The following PWWP2B variants were observed in gnomAD, a reference collection of about 807,000 sequenced individuals.
The protein encoded by PWWP2B is PWWP domain-containing protein 2B.
Under a neutral mutation model 15.5 loss-of-function variants are expected in PWWP2B, and 9 were observed. That is an observed-to-expected ratio of 0.58 (90% CI 0.35 to 1.02). The LOEUF is 1.02. Among genes scored for constraint, PWWP2B ranks in the 50% least tolerant of loss-of-function variants. The probability of loss-of-function intolerance (pLI) is 0.02; values close to 1 mark genes in which losing one functional copy is unlikely to be tolerated. For synonymous variants in PWWP2B, 474 were observed against 403.6 expected (o/e 1.17, Z -2.09); for missense variants, 864 against 865.3 (o/e 1.00, Z 0.02).
chr10:132,416,933 G>A (rs2069865883), intron 2 of PWWP2B, 128 bp from the exon 3 acceptor site: 1 of 907,412 alleles, frequency 1.1e-6, no homozygotes, highest in African/African-American at 1.6e-5. Flanking sequence ...GGAGCTGGGG[G>A]GCGGTGGAGG....
At chr10:132,402,951 T>C (rs527660712) in intron 1 of PWWP2B, among the ~76,000 whole-genome samples, 7 of 152,310 alleles carry the variant, frequency 4.6e-5, no homozygotes, top group East Asian at 3.9e-4. Flanking sequence ...TGCTCCTCGG[T>C]CCTGGCGCCA....
intron 2 of PWWP2B, among the ~76,000 whole-genome samples, chr10:132,406,913 G>T (rs544034077): frequency 6.6e-6 from 1 of 152,284 alleles, no homozygotes; most frequent in East Asian, 1.9e-4. Flanking sequence ...TGTGTGCGTG[G>T]CCAGGCGCCC....
chr10:132,413,024 G>A (rs749124490), intron 2 of PWWP2B, among the ~76,000 whole-genome samples: 2 of 152,216 alleles, frequency 1.3e-5, no homozygotes, highest in African/African-American at 2.4e-5. Flanking sequence ...GCCGTGCCAC[G>A]TCATCTGGGC....
chr10:132,407,857 A>AGG (rs2069720787), intron 2 of PWWP2B, among the ~76,000 whole-genome samples: 1 of 152,084 alleles, frequency 6.6e-6, no homozygotes, highest in African/African-American at 2.4e-5. Context: ...GAGGGGTAGG[A>AGG]GGAGGGTCAG....
rs778233848 is a variant in PWWP2B at position 132,405,210 on chromosome 10, G to A, written c.710G>A (p.Arg237His). ...ATARRSKRER[R>H]EEDRAPAEQV... ...GCCAGGAGGAGCAAGAGGGAGAGGC[G>A]CGAGGAGGACAGGGCCCCGGCAGAG... Residue 237 changes from arginine (R) to histidine (H), a missense_variant, in exon 2 of 3, where the codon CGC becomes CAC. Around this residue, in one of 2 missense-constraint regions of PWWP2B, gnomAD observed 736 missense variants for 687.7 expected, o/e 1.07. Transcript: ENST00000305233. 30 of 1,588,868 alleles carry A rather than the reference G, an allele frequency of 1.9e-5. 1 individual carries two copies. Among genetic ancestry groups the A allele is most frequent in the Non-Finnish European group, 2.6e-6 (3 of 1,169,106 alleles).
intron 2 of PWWP2B, among the ~76,000 whole-genome samples, chr10:132,412,544 G>A (rs1043387839): frequency 1.3e-5 from 2 of 152,212 alleles, no homozygotes; most frequent in African/African-American, 4.8e-5. Flanking sequence ...TTGTGGGCTT[G>A]GGGTTGTTGG....
chr10:132,410,122 C>A (rs1265006124), intron 2 of PWWP2B, among the ~76,000 whole-genome samples: 2 of 151,218 alleles, frequency 1.3e-5, no homozygotes, highest in African/African-American at 4.9e-5. Flanking sequence ...GCAGTGACCT[C>A]CAGCTGTGAG....
intron 2 of PWWP2B, among the ~76,000 whole-genome samples, chr10:132,415,699 TCTCACACACATCCACTCACA>T (rs1564878930): frequency 3.3e-5 from 4 of 119,490 alleles, no homozygotes; most frequent in African/African-American, 7.5e-5. Flanking sequence ...ACACATGCAC[TCTCACACACATCCACTCACA>T]CACACATCCA....
At chr10:132,402,844 G>A (rs1023855755) in intron 1 of PWWP2B, among the ~76,000 whole-genome samples, 6 of 152,244 alleles carry the variant, frequency 3.9e-5, no homozygotes, top group Non-Finnish European at 7.3e-5. Flanking sequence ...AGCGTATAAA[G>A]GAACCTGGGG....
chr10:132,415,620 A>C (rs200011415), intron 2 of PWWP2B, among the ~76,000 whole-genome samples: 15 of 109,470 alleles, frequency 1.4e-4, no homozygotes, highest in East Asian at 1.1e-3. Flanking sequence ...CACACATCCA[A>C]TCACACATCC....
In PWWP2B at chr10:132,403,294, G is replaced by A. The variant is rs373398880; in HGVS notation, c.126-1332G>A. Among the ~76,000 whole-genome samples the A allele has an allele frequency of 1.1e-4, 16 of 152,084 alleles. No individual in the cohort carries two copies. In the South Asian group the frequency reaches 2.3e-3, roughly 22 times the overall value. On this transcript the variant is annotated intron_variant, in intron 1 of 2. Transcript: ENST00000305233. ...ACTGCTGTGCCCTCCCCGGCGAGTC[G>A]CAATGCTGTGTTGCTTTTCTGTCTC...
chr10:132,417,310 G>A lies in PWWP2B; in HGVS notation c.*266G>A, dbSNP rs1476579356. 11 of 538,346 alleles carry A rather than the reference G, an allele frequency of 2.0e-5. No individual in the cohort carries two copies. The highest frequency in any genetic ancestry group is 6.4e-5 in the East Asian group (2 of 31,034). 33.3% of individuals were successfully genotyped at this position (538,346 alleles called of 1,614,324 possible). On this transcript the variant is annotated 3_prime_UTR_variant, in exon 3 of 3. Transcript: ENST00000305233. Reference sequence around the variant, plus strand: ...CTGGCTCACGAGGCAGTCGGGACTCGTGACTTGCTGGCTGCTGGCTGCTGC... The same window carrying A: ...CTGGCTCACGAGGCAGTCGGGACTCATGACTTGCTGGCTGCTGGCTGCTGC...
chr10:132,404,002 TTCTCCAGGGCTCCTGC>T (rs2069646332), intron 1 of PWWP2B, among the ~76,000 whole-genome samples: 1 of 29,486 alleles, frequency 3.4e-5, no homozygotes, highest in Non-Finnish European at 8.6e-5. Flanking sequence ...TAGGACGGCA[TTCTCCAGGGCTCCTGC>T]AGGACGGCAT....
intron 2 of PWWP2B, among the ~76,000 whole-genome samples, chr10:132,416,794 G>A (rs979500728): frequency 3.9e-5 from 6 of 152,032 alleles, no homozygotes; most frequent in African/African-American, 1.2e-4. Context: ...TGGCTTCTCC[G>A]TGGCCCTGCG....
At chr10:132,399,540 G>C (rs2069587377) in intron 1 of PWWP2B, among the ~76,000 whole-genome samples, 1 of 152,284 alleles carries the variant, frequency 6.6e-6, no homozygotes, top group Non-Finnish European at 1.5e-5. Context: ...GGGTGGAATT[G>C]CCTGGCTTGT....
In PWWP2B at chr10:132,398,674, T is replaced by C. The variant is rs549284144; in HGVS notation, c.125+1323T>C. Among the ~76,000 whole-genome samples, 5 of 151,448 alleles carry C rather than the reference T, an allele frequency of 3.3e-5. No homozygotes were observed. The South Asian group carries it at 1.1e-3, about 32-fold the overall frequency. ...CCCTGAGGCCCATGGCTAACCTGGT[T>C]TGCAAATCTACACCACCGCCTCCCC... On this transcript the variant is annotated intron_variant, in intron 1 of 2. Transcript: ENST00000305233.
intron 2 of PWWP2B, among the ~76,000 whole-genome samples, chr10:132,416,447 C>T (rs550875057): frequency 5.9e-5 from 9 of 152,304 alleles, no homozygotes; most frequent in Admixed American, 3.3e-4. Context: ...ATCGTCTGTC[C>T]CCGCCAGGTC....
At chr10:132,400,021 A>G (rs2069594591) in intron 1 of PWWP2B, among the ~76,000 whole-genome samples, 1 of 152,198 alleles carries the variant, frequency 6.6e-6, no homozygotes, top group Admixed American at 6.5e-5. Flanking sequence ...ACCCTGGCCC[A>G]CACTGAGAAC....
intron 2 of PWWP2B, among the ~76,000 whole-genome samples, chr10:132,406,836 C>A (rs982604214): frequency 6.6e-6 from 1 of 152,210 alleles, no homozygotes; most frequent in Non-Finnish European, 1.5e-5. Context: ...CAGACTGGCC[C>A]AGCCCTGCCC....
Sources: gnomAD v4.1 joint callset for allele counts (sites outside exome capture counted in the v4.1 genomes callset) on GRCh38, gnomAD v4.1.1 for gene constraint, gnomAD v4.1.1 regional missense constraint, MANE v1.5 for transcripts, NCBI Gene and HGNC (gene_info 2026-07-23, HGNC 2026-07-21) for gene names.